The following SELENOI variants were observed in gnomAD, a reference collection of about 807,000 sequenced individuals.
SELENOI encodes the protein ethanolaminephosphotransferase 1.
A neutral mutation model predicts 50.7 loss-of-function variants in SELENOI; 24 were observed. That is an observed-to-expected ratio of 0.47 (90% CI 0.34 to 0.67). The LOEUF (loss-of-function observed/expected upper bound fraction) is 0.67, where lower values mean the gene tolerates loss of function less well. Among genes scored for constraint, SELENOI ranks in the 30% least tolerant of loss-of-function variants. The probability of loss-of-function intolerance (pLI) is 0.01; values close to 1 mark genes in which losing one functional copy is unlikely to be tolerated. For synonymous variants in SELENOI, 155 were observed against 170.2 expected, an observed-to-expected ratio of 0.91 and a Z score of 0.70; for missense variants, 352 against 461.4, an observed-to-expected ratio of 0.76 and a Z score of 2.17.
rs184851508 is a variant in SELENOI at position 26,354,451 on chromosome 2, A to G, written c.57+8162A>G. The stretch of plus-strand genomic sequence containing the variant: ...GCCCAGGCTGGAGTGCAGTGGTGCG[A>G]TCTCGGCTCACTGCAAGCTCCGCCT... On this transcript the variant is annotated intron_variant, in intron 1 of 9. Transcript: ENST00000260585. 5.0e-3 allele frequency among the ~76,000 whole-genome samples: 760 copies of G among 151,954 alleles called. 9 individuals carry two copies. Among genetic ancestry groups the G allele is most frequent in the African/African-American group, 0.017 (711 of 41,422 alleles).
chr2:26,367,479 T>C (rs1408249299), intron 4 of SELENOI, among the ~76,000 whole-genome samples: 3 of 152,222 alleles, frequency 2.0e-5, no homozygotes, highest in East Asian at 1.9e-4. Context: ...TTTTTGTTAG[T>C]AGAGTTTTAC....
chr2:26,347,074 C>T (rs1438622310), intron 1 of SELENOI, among the ~76,000 whole-genome samples: 2 of 152,178 alleles, frequency 1.3e-5, no homozygotes, highest in Non-Finnish European at 2.9e-5. Flanking sequence ...ATCTGGTTCC[C>T]ATCCGCAGTT....
At chr2:26,362,968 A>G (rs1677213739) in intron 1 of SELENOI, among the ~76,000 whole-genome samples, 1 of 152,046 alleles carries the variant, frequency 6.6e-6, no homozygotes, top group Non-Finnish European at 1.5e-5. Context: ...TGTGGAGTGA[A>G]TAAGTTATCA....
intron 1 of SELENOI, among the ~76,000 whole-genome samples, chr2:26,357,216 A>G (rs1677082174): frequency 6.6e-6 from 1 of 152,164 alleles, no homozygotes; most frequent in South Asian, 2.1e-4. Flanking sequence ...TCTGTTTTTG[A>G]ACTTCATATA....
chr2:26,374,987 G>A, intron 5 of SELENOI, 53 bp from the exon 6 acceptor site: 1 of 1,258,344 alleles, frequency 7.9e-7, no homozygotes, highest in Non-Finnish European at 1.2e-6. Context: ...GGTGACTCCT[G>A]ATCTTTCTAG....
intron 6 of SELENOI, among the ~76,000 whole-genome samples, chr2:26,380,351 A>C (rs1185940971): frequency 6.6e-6 from 1 of 152,146 alleles, no homozygotes. Context: ...TCATAGATAC[A>C]TGGTAGCATT....
At chr2:26,371,798 C>T (rs568034749) in intron 4 of SELENOI, among the ~76,000 whole-genome samples, 2 of 152,108 alleles carry the variant, frequency 1.3e-5, no homozygotes, top group African/African-American at 2.4e-5. Context: ...TGCAGTGAGC[C>T]GAGATGGCAG....
At chr2:26,375,951 TA>T (rs1187903374) in intron 6 of SELENOI, among the ~76,000 whole-genome samples, 1 of 151,590 alleles carries the variant, frequency 6.6e-6, no homozygotes, top group Non-Finnish European at 1.5e-5. Flanking sequence ...TAGAAAAAAC[TA>T]AAGTTAATCA....
At chr2:26,370,842 ACCTC>A (rs1467846671) in intron 4 of SELENOI, among the ~76,000 whole-genome samples, 1 of 101,778 alleles carries the variant, frequency 9.8e-6, no homozygotes, top group Non-Finnish European at 2.0e-5. Flanking sequence ...TGACACCCCC[ACCTC>A]CCTCCCGGAC....
At chr2:26,375,234 C>T (rs1234454204) in intron 6 of SELENOI, 86 bp downstream of exon 6, 3 of 788,220 alleles carry the variant, frequency 3.8e-6, no homozygotes, top group Non-Finnish European at 6.1e-6. Context: ...CAACAACACC[C>T]TTTGCCTCAC....
chr2:26,352,772 A>G (rs920939836), intron 1 of SELENOI, among the ~76,000 whole-genome samples: 5 of 151,634 alleles, frequency 3.3e-5, no homozygotes, highest in Non-Finnish European at 5.9e-5. Flanking sequence ...AGACAGAGCG[A>G]GACTTCATCT....
intron 1 of SELENOI, chr2:26,346,542 C>T: frequency 2.5e-6 from 1 of 398,606 alleles, no homozygotes; most frequent in Non-Finnish European, 4.5e-6. Context: ...GATCATGGAG[C>T]GAGGGAATTC....
chr2:26,355,950 C>T (rs578055563), intron 1 of SELENOI, among the ~76,000 whole-genome samples: 2 of 152,196 alleles, frequency 1.3e-5, no homozygotes, highest in South Asian at 4.2e-4. Flanking sequence ...CTGTGTTTCC[C>T]AGGCTGGTCT....
At chr2:26,361,424 A>C (rs527971973) in intron 1 of SELENOI, among the ~76,000 whole-genome samples, 1 of 152,244 alleles carries the variant, frequency 6.6e-6, no homozygotes, top group East Asian at 1.9e-4. Flanking sequence ...TAAAACAACT[A>C]TAACAATGTA....
chr2:26,370,177 A>G (rs1441574028), intron 4 of SELENOI, among the ~76,000 whole-genome samples: 1 of 151,692 alleles, frequency 6.6e-6, no homozygotes, highest in African/African-American at 2.4e-5. Context: ...GGTTGGGGGT[A>G]AGGTCACAGA....
chr2:26,370,778 CCGGG>C (rs1433240052), intron 4 of SELENOI, among the ~76,000 whole-genome samples: 75 of 145,860 alleles, frequency 5.1e-4, no homozygotes, highest in Non-Finnish European at 8.9e-4. Flanking sequence ...GGGCGGCTGG[CCGGG>C]CAGAGGGGCT....
At position 26,364,912 on chromosome 2, in the gene SELENOI, A is replaced by G. The variant is rs371001588; in HGVS notation, c.207A>G (p.Ala69=). 4 of 1,608,910 alleles carry G rather than the reference A, an allele frequency of 2.5e-6. No homozygotes were observed. The highest frequency in any genetic ancestry group is 2.2e-5 in the East Asian group (1 of 44,522). Residue 69 remains alanine, a synonymous_variant, in exon 3 of 10, where the codon GCA becomes GCG. Coordinates refer to ENST00000260585, the MANE Select transcript of SELENOI (RefSeq NM_033505.4). ...LLVVFNFLLM[A]YFDPDFYASA... is the part of the protein sequence containing the mutation. ...TCGTATTCAATTTTCTGCTAATGGC[A>G]TACTTTGATCCTGACTTTTATGCCT...
chr2:26,383,484 G>T, intron 7 of SELENOI, 137 bp downstream of exon 7: 1 of 606,394 alleles, frequency 1.6e-6, no homozygotes, highest in Non-Finnish European at 2.9e-6. Flanking sequence ...AATCTTTAAT[G>T]GGGTAGGATA....
chr2:26,364,750 T>C, intron 2 of SELENOI, 82 bp from the exon 3 acceptor site: 4 of 928,234 alleles, frequency 4.3e-6, no homozygotes, highest in Non-Finnish European at 6.4e-6. Context: ...GCTTTTATTA[T>C]GACTTCAGTT....
Sources: allele counts gnomAD v4.1 joint callset (sites outside exome capture counted in the v4.1 genomes callset), GRCh38; gene constraint gnomAD v4.1.1; transcripts MANE v1.5; gene names NCBI Gene and HGNC (gene_info 2026-07-23, HGNC 2026-07-21).